Variants in UBAC2 observed in about 807,000 individuals in gnomAD.
UBAC2 encodes the protein ubiquitin-associated domain-containing protein 2.
Under a neutral mutation model 44.0 loss-of-function variants are expected in UBAC2, and 26 were observed. The ratio of observed to expected loss-of-function variants is 0.59; its 90% CI spans 0.43 to 0.82. The LOEUF is 0.82. Ranked by LOEUF, UBAC2 falls within the 40% of genes least tolerant of loss-of-function variation. The pLI is 0.00. For missense variants in UBAC2, 329 were observed against 419.4 expected (o/e 0.78, Z 1.88); for synonymous variants, 155 against 154.3 (o/e 1.00, Z -0.04).
chr13:99,338,172 T>C (rs1168729231), intron 6 of UBAC2, among the ~76,000 whole-genome samples: 1 of 150,722 alleles, frequency 6.6e-6, no homozygotes, highest in African/African-American at 2.4e-5. Flanking sequence ...ATTCTTGTGC[T>C]TCAGCCTCCT....
intron 1 of UBAC2, among the ~76,000 whole-genome samples, chr13:99,219,279 A>T (rs1229719796): frequency 6.6e-6 from 1 of 152,224 alleles, no homozygotes; most frequent in Non-Finnish European, 1.5e-5. Context: ...CACAGGACTA[A>T]GCTTTGCAAG....
intron 4 of UBAC2, among the ~76,000 whole-genome samples, chr13:99,281,737 C>T (rs1324709094): frequency 6.6e-6 from 1 of 152,214 alleles, no homozygotes; most frequent in Non-Finnish European, 1.5e-5. Context: ...GATTGCCAAT[C>T]ATTTTAACAA....
chr13:99,295,232 G>A lies in UBAC2; in HGVS notation c.390-18865G>A. On this transcript the variant is annotated intron_variant, in intron 4 of 8. Coordinates refer to ENST00000403766, the MANE Select transcript of UBAC2 (RefSeq NM_001144072.2). The surrounding 1 kb of genome is among the most constrained non-coding windows in gnomAD (Gnocchi z 4.1). ...TTTACATGCAAAGAAGTAGATAAAAGGGTCCATGCAGCAATTGAAGTTCAT... is the reference window on the plus strand; with the variant it reads ...TTTACATGCAAAGAAGTAGATAAAAAGGTCCATGCAGCAATTGAAGTTCAT... 1 of 1,614,124 alleles carries A rather than the reference G, an allele frequency of 6.2e-7. No homozygotes were observed. Among genetic ancestry groups the A allele is most frequent in the African/African-American group, 1.3e-5 (1 of 75,050 alleles).
intron 1 of UBAC2, among the ~76,000 whole-genome samples, chr13:99,208,383 T>C (rs536185317): frequency 7.3e-4 from 111 of 152,322 alleles, no homozygotes; most frequent in African/African-American, 2.5e-3. Context: ...CCTTTATGCT[T>C]TAATTAACTG....
At chr13:99,269,152 G>A (rs2043785004) in intron 4 of UBAC2, among the ~76,000 whole-genome samples, 1 of 152,190 alleles carries the variant, frequency 6.6e-6, no homozygotes, top group Non-Finnish European at 1.5e-5. Context: ...CTGGGAGAGT[G>A]CGAGGCAGGG....
At chr13:99,327,589 G>A (rs1274764286) in intron 6 of UBAC2, among the ~76,000 whole-genome samples, 1 of 152,010 alleles carries the variant, frequency 6.6e-6, no homozygotes, top group East Asian at 1.9e-4. Flanking sequence ...AGGGACTATG[G>A]TAAAATTAAC....
At chr13:99,259,442 A>G (rs773672493) in intron 4 of UBAC2, among the ~76,000 whole-genome samples, 2 of 151,568 alleles carry the variant, frequency 1.3e-5, no homozygotes, top group Non-Finnish European at 2.9e-5. Context: ...TTTGATTGTT[A>G]CAACCTGCCA....
At position 99,269,175 on chromosome 13, in the gene UBAC2, G is replaced by T. The variant is rs544698087; in HGVS notation, c.389+24551G>T. Among the ~76,000 whole-genome samples the T allele has an allele frequency of 1.7e-3, 253 of 152,314 alleles. 1 individual carries two copies. The highest frequency in any genetic ancestry group is 8.1e-3 in the South Asian group (39 of 4,830). ...GTGCGAGGCAGGGGTGTTGCAGGAAGTCCACTCATTGGTAGGTACCACAAA... is the reference window on the plus strand; with the variant it reads ...GTGCGAGGCAGGGGTGTTGCAGGAATTCCACTCATTGGTAGGTACCACAAA... On this transcript the variant is annotated intron_variant, in intron 4 of 8. Coordinates refer to ENST00000403766, the MANE Select transcript of UBAC2 (RefSeq NM_001144072.2).
At chr13:99,213,685 A>G (rs969005768) in intron 1 of UBAC2, among the ~76,000 whole-genome samples, 1 of 152,094 alleles carries the variant, frequency 6.6e-6, no homozygotes, top group African/African-American at 2.4e-5. Flanking sequence ...TCGTACTAAA[A>G]TAAGTTTTTT....
intron 6 of UBAC2, among the ~76,000 whole-genome samples, chr13:99,324,848 C>T (rs2044616179): frequency 6.6e-6 from 1 of 152,090 alleles, no homozygotes; most frequent in Non-Finnish European, 1.5e-5. Flanking sequence ...GACTGATATT[C>T]AGTCATGGTG....
At chr13:99,203,017 G>GTTGTA (rs1288811919) in intron 1 of UBAC2, among the ~76,000 whole-genome samples, 36 of 112,796 alleles carry the variant, frequency 3.2e-4, no homozygotes, top group South Asian at 9.7e-4. Flanking sequence ...GATTTCCTTT[G>GTTGTA]TTTTATTTTA....
chr13:99,259,880 G>A (rs759833878), intron 4 of UBAC2, among the ~76,000 whole-genome samples: 2 of 152,188 alleles, frequency 1.3e-5, no homozygotes, highest in African/African-American at 2.4e-5. Context: ...AATTCTTCAC[G>A]GTGCACAGGG....
chr13:99,314,314 T>C (rs2044458172), intron 5 of UBAC2, 94 bp downstream of exon 5: 1 of 1,397,718 alleles, frequency 7.2e-7, no homozygotes, highest in Non-Finnish European at 9.5e-7. Context: ...TTGAAAACAA[T>C]GGTTTTTTTC....
At chr13:99,212,879 C>T (rs905967412) in intron 1 of UBAC2, among the ~76,000 whole-genome samples, 16 of 152,204 alleles carry the variant, frequency 1.1e-4, no homozygotes, top group African/African-American at 4.8e-5. Context: ...TCAAAGCCAA[C>T]TTTTACCATT....
intron 6 of UBAC2, among the ~76,000 whole-genome samples, chr13:99,330,256 C>A (rs992040016): frequency 6.6e-6 from 1 of 151,598 alleles, no homozygotes; most frequent in African/African-American, 2.4e-5. Context: ...GTCAGGAGTT[C>A]GAGACCAGCC....
intron 1 of UBAC2, chr13:99,201,469 G>A (rs765840483): frequency 1.9e-6 from 3 of 1,614,206 alleles, no homozygotes; most frequent in Non-Finnish European, 2.5e-6. Context: ...ACTGATGAGA[G>A]TGCTTTCAAG....
intron 2 of UBAC2, among the ~76,000 whole-genome samples, chr13:99,240,429 C>G (rs1467879731): frequency 6.6e-6 from 1 of 152,138 alleles, no homozygotes; most frequent in Non-Finnish European, 1.5e-5. Context: ...TTAGTAATTA[C>G]AAACTCTCCA....
intron 4 of UBAC2, among the ~76,000 whole-genome samples, chr13:99,280,076 T>C (rs1183488128): frequency 6.6e-6 from 1 of 152,216 alleles, no homozygotes; most frequent in Admixed American, 6.5e-5. Context: ...TGTAGCCTCC[T>C]AACTGTTCTC....
intron 1 of UBAC2, among the ~76,000 whole-genome samples, chr13:99,206,471 C>G (rs1040727291): frequency 1.3e-4 from 20 of 152,248 alleles, no homozygotes; most frequent in Admixed American, 8.5e-4. Context: ...GCTTCCCTGG[C>G]TTTGCTCACC....
Sources: gnomAD v4.1 joint callset for allele counts (sites outside exome capture counted in the v4.1 genomes callset) on GRCh38, gnomAD v4.1.1 for gene constraint, Gnocchi (gnomAD v3.1) non-coding constraint, MANE v1.5 for transcripts, NCBI Gene and HGNC (gene_info 2026-07-23, HGNC 2026-07-21) for gene names.